Variants in WIPI2 observed in about 807,000 individuals in gnomAD.
WIPI2 encodes WD repeat domain phosphoinositide-interacting protein 2.
A neutral mutation model predicts 52.3 loss-of-function variants in WIPI2; 28 were observed. The observed-to-expected ratio is 0.54, with a 90% CI of 0.40 to 0.73. The LOEUF (loss-of-function observed/expected upper bound fraction) is 0.73. WIPI2 is among the 30% of genes least tolerant of loss of function. The pLI, the probability that WIPI2 is intolerant of heterozygous loss-of-function variation, is 0.00. For synonymous variants in WIPI2, 268 were observed against 245.0 expected, an observed-to-expected ratio of 1.09 and a Z score of -0.88; for missense variants, 506 against 602.9, an observed-to-expected ratio of 0.84 and a Z score of 1.68.
chr7:5,231,917 C>T lies in WIPI2; in HGVS notation c.*970C>T, dbSNP rs1308406801. 1 of 321,454 alleles carries T rather than the reference C, an allele frequency of 3.1e-6. No individual in the cohort carries two copies. 19.9% of individuals were successfully genotyped at this position (321,454 alleles called of 1,614,324 possible). A position where few individuals can be genotyped will look rare whatever the true frequency, so the allele number is the denominator to read the frequency against. ...GGAGACAGCAACAGAGAGTAGGCGG[C>T]TGGGCCACGTCCTTCACAGGGCGTC... is the stretch of plus-strand genomic sequence containing the variant. On this transcript the variant is annotated 3_prime_UTR_variant, in exon 13 of 13. Transcript: ENST00000288828.
intron 3 of WIPI2, chr7:5,214,136 A>G (rs1053145490): frequency 1.4e-5 from 8 of 554,704 alleles, no homozygotes; most frequent in Non-Finnish European, 2.2e-5. Context: ...CGCTCAGCAC[A>G]TGAGTCTATG....
chr7:5,204,935 T>A (rs1220025672), intron 3 of WIPI2, among the ~76,000 whole-genome samples: 1 of 152,118 alleles, frequency 6.6e-6, no homozygotes, highest in Non-Finnish European at 1.5e-5. Context: ...CTCAGCCTCC[T>A]AAAGTGCTGG....
At chr7:5,200,076 G>A (rs913350746) in intron 3 of WIPI2, among the ~76,000 whole-genome samples, 1 of 152,198 alleles carries the variant, frequency 6.6e-6, no homozygotes, top group African/African-American at 2.4e-5. Context: ...AGTGGCCCGC[G>A]TGTCGGAGAG....
chr7:5,229,793 A>G (rs7785898), intron 12 of WIPI2, 55 bp downstream of exon 12: 1 of 1,603,048 alleles, frequency 6.2e-7, no homozygotes, highest in South Asian at 1.1e-5. Flanking sequence ...CCCGAGTGCT[A>G]CTGCCTTCTG....
chr7:5,220,662 G>GGT (rs1783074383), intron 7 of WIPI2, among the ~76,000 whole-genome samples: 1 of 151,912 alleles, frequency 6.6e-6, no homozygotes, highest in Admixed American at 6.6e-5. Flanking sequence ...TTTTTGTAGA[G>GGT]GTGGGGTCTT....
rs944879496 is a variant in WIPI2, at chr7:5,190,371, C to G, written c.-49C>G. On this transcript the variant is annotated 5_prime_UTR_variant, in exon 1 of 13. Coordinates refer to ENST00000288828, the MANE Select transcript of WIPI2 (RefSeq NM_015610.4). The stretch of plus-strand genomic sequence containing the variant: ...GACCCTGAGTGCAGCCTGACCCGCC[C>G]TCGCGCGCGCGCCCTCCCCGGCCGG... 3.9e-5 allele frequency: 51 copies of G among 1,298,166 alleles called. No individual in the cohort carries two copies. Among genetic ancestry groups the G allele is most frequent in the Non-Finnish European group, 4.9e-5 (50 of 1,016,782 alleles). The allele number at this position is 1,298,166 out of a possible 1,614,324, so 80.4% of individuals were successfully genotyped here.
chr7:5,202,112 A>G (rs946264129), intron 3 of WIPI2, among the ~76,000 whole-genome samples: 1 of 152,208 alleles, frequency 6.6e-6, no homozygotes, highest in Non-Finnish European at 1.5e-5. Context: ...TCTACCCTCA[A>G]AACTTTTAAC....
chr7:5,194,474 C>T (rs888340872), intron 2 of WIPI2, among the ~76,000 whole-genome samples: 1 of 152,214 alleles, frequency 6.6e-6, no homozygotes, highest in Non-Finnish European at 1.5e-5. Flanking sequence ...GTGGCAGTCA[C>T]TGTCTCTTTG....
chr7:5,226,718 C>T (rs1783449290), intron 9 of WIPI2: 1 of 154,852 alleles, frequency 6.5e-6, no homozygotes, highest in Non-Finnish European at 1.4e-5. Context: ...GGGTATATTT[C>T]ATCACAATTT....
intron 11 of WIPI2, 188 bp from the exon 12 acceptor site, chr7:5,229,420 C>T: frequency 3.4e-6 from 2 of 582,406 alleles, no homozygotes; most frequent in East Asian, 6.2e-5. Flanking sequence ...TTAGACTTTC[C>T]ATGTAAAACT....
At position 5,228,346 on chromosome 7, in the gene WIPI2, G is replaced by A. The variant is rs114405862; in HGVS notation, c.1121+135G>A. ...AGATTCCAGCACAGCGGCCCATGCCGCGCAGGTCGGGAGCTTCGCTTTCCC... is the reference window on the plus strand; with the variant it reads ...AGATTCCAGCACAGCGGCCCATGCCACGCAGGTCGGGAGCTTCGCTTTCCC... On this transcript the variant is annotated intron_variant, in intron 11 of 12. Transcript: ENST00000288828. 5,074 of 819,992 alleles carry A rather than the reference G, an allele frequency of 6.2e-3. 170 individuals are homozygous for A. The African/African-American group carries it at 0.077, about 12-fold the overall frequency. 50.8% of individuals were successfully genotyped at this position (819,992 alleles called of 1,614,324 possible). A position where few individuals can be genotyped will look rare whatever the true frequency, so the allele number is the denominator to read the frequency against.
chr7:5,212,738 G>T (rs556681018), intron 3 of WIPI2, among the ~76,000 whole-genome samples: 1 of 152,292 alleles, frequency 6.6e-6, no homozygotes, highest in Admixed American at 6.5e-5. Flanking sequence ...GGCTGGTCTC[G>T]AATTCCTGCC....
chr7:5,229,884 G>A (rs902055390), intron 12 of WIPI2, 146 bp downstream of exon 12: 2 of 1,186,368 alleles, frequency 1.7e-6, no homozygotes, highest in African/African-American at 3.1e-5. Flanking sequence ...GTTGGTAAAT[G>A]GGTGTTCCCA....
chr7:5,192,320 G>A (rs150495859), intron 1 of WIPI2, among the ~76,000 whole-genome samples: 2 of 152,338 alleles, frequency 1.3e-5, no homozygotes, highest in Admixed American at 1.3e-4. Context: ...AGAAATGGTA[G>A]TAGTAGTAGG....
At chr7:5,194,789 T>C (rs1252864156) in intron 2 of WIPI2, among the ~76,000 whole-genome samples, 3 of 152,146 alleles carry the variant, frequency 2.0e-5, no homozygotes, top group Non-Finnish European at 4.4e-5. Context: ...TTAAAAGGCT[T>C]AAACTCATAC....
intron 3 of WIPI2, among the ~76,000 whole-genome samples, chr7:5,207,523 C>A (rs562905119): frequency 6.6e-6 from 1 of 152,254 alleles, no homozygotes; most frequent in South Asian, 2.1e-4. Context: ...TTGATGTATT[C>A]TTTTCATGAC....
At chr7:5,200,983 C>A (rs543141894) in intron 3 of WIPI2, among the ~76,000 whole-genome samples, 4 of 152,316 alleles carry the variant, frequency 2.6e-5, no homozygotes, top group African/African-American at 7.2e-5. Flanking sequence ...CTGGTACTTA[C>A]TAAATCTTCC....
intron 3 of WIPI2, among the ~76,000 whole-genome samples, chr7:5,207,817 G>A (rs1052490415): frequency 6.9e-6 from 1 of 144,162 alleles, no homozygotes; most frequent in African/African-American, 2.6e-5. Flanking sequence ...CCAGGCTGGA[G>A]TGCAGTGGCA....
chr7:5,228,009 G>T, intron 10 of WIPI2, 95 bp from the exon 11 acceptor site: 1 of 1,170,924 alleles, frequency 8.5e-7, no homozygotes. Flanking sequence ...TCTTGCTGGG[G>T]TCTCTTTCCT....
Sources: allele counts gnomAD v4.1 joint callset (sites outside exome capture counted in the v4.1 genomes callset), GRCh38; gene constraint gnomAD v4.1.1; transcripts MANE v1.5; gene names NCBI Gene and HGNC (gene_info 2026-07-23, HGNC 2026-07-21).